Variants in PPP4R3B observed in about 807,000 individuals in gnomAD.
PPP4R3B encodes the protein protein phosphatase 4 regulatory subunit 3B, also known as serine/threonine-protein phosphatase 4 regulatory subunit 3B.
Under a neutral mutation model 95.4 loss-of-function variants are expected in PPP4R3B, and 52 were observed. The ratio of observed to expected loss-of-function variants is 0.54; its 90% CI spans 0.44 to 0.69. The LOEUF (loss-of-function observed/expected upper bound fraction) is 0.69, where lower values mean the gene tolerates loss of function less well. Ranked by LOEUF, PPP4R3B falls within the 30% of genes least tolerant of loss-of-function variation. The pLI, the probability that PPP4R3B is intolerant of heterozygous loss-of-function variation, is 0.00. For synonymous variants in PPP4R3B, 407 were observed against 343.9 expected (o/e 1.18, Z -2.03); for missense variants, 1,003 against 1,005.9 (o/e 1.00, Z 0.04).
intron 6 of PPP4R3B, among the ~76,000 whole-genome samples, chr2:55,586,237 TA>T (rs1372145965): frequency 6.6e-6 from 1 of 152,152 alleles, no homozygotes; most frequent in African/African-American, 2.4e-5. Context: ...TACCAATAGA[TA>T]AAACTCATAT....
intron 1 of PPP4R3B, 64 bp downstream of exon 1, chr2:55,617,080 C>G: frequency 2.0e-6 from 3 of 1,521,956 alleles, no homozygotes; most frequent in Non-Finnish European, 2.6e-6. Context: ...GCCCAGGGCC[C>G]TAAACCCAAG....
chr2:55,588,290 G>A (rs981065141), intron 5 of PPP4R3B, among the ~76,000 whole-genome samples: 56 of 152,238 alleles, frequency 3.7e-4, no homozygotes, highest in Admixed American at 1.2e-3. Context: ...AAGGCGGGGG[G>A]ATCACCTCAG....
chr2:55,612,427 A>C (rs1016565771), intron 2 of PPP4R3B, among the ~76,000 whole-genome samples: 6 of 152,354 alleles, frequency 3.9e-5, no homozygotes, highest in Admixed American at 6.5e-5. Context: ...AAATAACTAC[A>C]AATTAAGCTG....
At chr2:55,583,154 A>C (rs1689653334) in intron 7 of PPP4R3B, among the ~76,000 whole-genome samples, 1 of 152,198 alleles carries the variant, frequency 6.6e-6, no homozygotes, top group Admixed American at 6.5e-5. Flanking sequence ...CTGCCACTGA[A>C]TATAAAAATA....
rs1401860423 is a variant in PPP4R3B at position 55,615,350 on chromosome 2, C to T, written c.198+101G>A. 2.5e-5 allele frequency: 22 copies of T among 897,268 alleles called. No individual in the cohort carries two copies. In the Admixed American group the frequency reaches 4.9e-4, roughly 20 times the overall value. The allele number at this position is 897,268 out of a possible 1,614,324, so 55.6% of individuals were successfully genotyped here. A position where few individuals can be genotyped will look rare whatever the true frequency, so the allele number is the denominator to read the frequency against. On this transcript the variant is annotated intron_variant, in intron 2 of 16. Transcript: ENST00000616407. The stretch of plus-strand genomic sequence containing the variant: ...ATACACATGATCTTTGTTTACCAAA[C>T]ATGTTTTTTTCTTGTCAGGAAAGCT...
chr2:55,578,282 T>C lies in PPP4R3B; in HGVS notation c.1529A>G (p.His510Arg). Residue 510 changes from histidine (H) to arginine (R), a missense_variant, in exon 10 of 17, where the codon CAT becomes CGT. By Grantham distance (29) the His-to-Arg change is conservative. Coordinates refer to ENST00000616407, the MANE Select transcript of PPP4R3B (RefSeq NM_001122964.3). ...WSFICTPSHS[H>R]SHSTPSSSIS... ...GGAGGAAGAGGGGGTAGAATGGGAA[T>C]GGGAATGTGAAGGGGTACATATGAA... The C allele has an allele frequency of 6.7e-7, 1 of 1,483,270 alleles. No individual in the cohort carries two copies. The highest frequency in any genetic ancestry group is 9.0e-7 in the Non-Finnish European group (1 of 1,114,488). 91.9% of individuals were successfully genotyped at this position (1,483,270 alleles called of 1,614,324 possible). A position where few individuals can be genotyped will look rare whatever the true frequency, so the allele number is the denominator to read the frequency against.
chr2:55,577,276 T>C, intron 11 of PPP4R3B, 39 bp downstream of exon 11: 1 of 1,527,302 alleles, frequency 6.5e-7, no homozygotes, highest in Non-Finnish European at 8.7e-7. Flanking sequence ...AAAAAGTTTA[T>C]AATTTGCATG....
chr2:55,616,340 G>C (rs527395260), intron 1 of PPP4R3B, among the ~76,000 whole-genome samples: 19 of 152,010 alleles, frequency 1.2e-4, no homozygotes, highest in Non-Finnish European at 2.2e-4. Flanking sequence ...AAGGGAACAA[G>C]CAAGAATACA....
chr2:55,558,970 TA>T lies in PPP4R3B; in HGVS notation c.2261-3del. The T allele has an allele frequency of 6.2e-7, 1 of 1,601,772 alleles. No individual in the cohort carries two copies. The highest frequency in any genetic ancestry group is 8.5e-7 in the Non-Finnish European group (1 of 1,175,558). On this transcript the variant is annotated splice_region_variant and splice_polypyrimidine_tract_variant and intron_variant, in intron 15 of 16. Coordinates refer to ENST00000616407, the MANE Select transcript of PPP4R3B (RefSeq NM_001122964.3). ...TTTCCTTGTCTTCACTTTCTTTTGCTAAAGCAAAAGTAAAATTTTGAACGTA... is the reference window on the plus strand; with the variant it reads ...TTTCCTTGTCTTCACTTTCTTTTGCTAAGCAAAAGTAAAATTTTGAACGTA...
chr2:55,588,529 A>T (rs1041151212), intron 5 of PPP4R3B, among the ~76,000 whole-genome samples: 1 of 151,484 alleles, frequency 6.6e-6, no homozygotes, highest in South Asian at 2.1e-4. Context: ...AAAAAAAAAA[A>T]AAGAAAAAGA....
At position 55,579,324 on chromosome 2, in the gene PPP4R3B, C is replaced by T. The variant is rs529675464; in HGVS notation, c.1468+355G>A. Among the ~76,000 whole-genome samples the T allele has an allele frequency of 1.1e-3, 173 of 152,134 alleles. 2 individuals carry two copies. In the Middle Eastern group the frequency reaches 0.024, roughly 21 times the overall value. On this transcript the variant is annotated intron_variant, in intron 9 of 16. Coordinates refer to ENST00000616407, the MANE Select transcript of PPP4R3B (RefSeq NM_001122964.3). Reference sequence around the variant, plus strand: ...ATTTGCTTCTACTCATTCTAGATATCGCACAAATTTGGCGACAATGCTTTC... The same window carrying T: ...ATTTGCTTCTACTCATTCTAGATATTGCACAAATTTGGCGACAATGCTTTC...
rs1232047132 is a variant in PPP4R3B at position 55,615,936 on chromosome 2, G to C, written c.143-430C>G. On this transcript the variant is annotated intron_variant, in intron 1 of 16. Coordinates refer to ENST00000616407, the MANE Select transcript of PPP4R3B (RefSeq NM_001122964.3). Reference sequence around the variant, plus strand: ...CGCAAACTTTTCAAGTCTTTTTACCGAGTTGGACATCTTAATAAAATGTAT... The same window carrying C: ...CGCAAACTTTTCAAGTCTTTTTACCCAGTTGGACATCTTAATAAAATGTAT... 2.5e-5 allele frequency among the ~76,000 whole-genome samples: 3 copies of C among 118,962 alleles called. No homozygotes were observed. In the East Asian group the frequency reaches 7.2e-4, roughly 29 times the overall value. 78.0% of individuals were successfully genotyped at this position (118,962 alleles called of 152,430 possible).
chr2:55,584,996 C>T, intron 7 of PPP4R3B, 55 bp downstream of exon 7: 3 of 1,232,878 alleles, frequency 2.4e-6, no homozygotes, highest in Non-Finnish European at 3.4e-6. Context: ...CAATAGTTTG[C>T]AAACACTACT....
Position 55,566,330 on chromosome 2 carries a change from T to C in PPP4R3B, c.1936-1289A>G, listed in dbSNP as rs753432859. On this transcript the variant is annotated intron_variant, in intron 13 of 16. Coordinates refer to ENST00000616407, the MANE Select transcript of PPP4R3B (RefSeq NM_001122964.3). ...AGTTTTGGGGCACAAGGTACACAAA[T>C]CGACCACTCGAACTTATTTTCACAA... 4.7e-4 allele frequency among the ~76,000 whole-genome samples: 71 copies of C among 152,168 alleles called. 4 individuals are homozygous for C. Among genetic ancestry groups the C allele is most frequent in the Non-Finnish European group, 2.1e-4 (14 of 68,026 alleles).
At chr2:55,576,881 G>A (rs1052719328) in intron 11 of PPP4R3B, among the ~76,000 whole-genome samples, 11 of 152,190 alleles carry the variant, frequency 7.2e-5, no homozygotes, top group Non-Finnish European at 1.5e-5. Context: ...GGTATGGGAC[G>A]GTAGGTGCAC....
At chr2:55,581,813 A>C in intron 7 of PPP4R3B, 115 bp from the exon 8 acceptor site, 2 of 1,095,202 alleles carry the variant, frequency 1.8e-6, no homozygotes, top group African/African-American at 1.6e-5. Flanking sequence ...AAAACGAAGA[A>C]TGGAATAGCT....
chr2:55,549,953 T>C lies in PPP4R3B; in HGVS notation c.2508A>G (p.Glu836=). The change falls in exon 17 of 17, where the codon GAA becomes GAG. Residue 836 remains glutamate (E), a synonymous_variant. Coordinates refer to ENST00000616407, the MANE Select transcript of PPP4R3B (RefSeq NM_001122964.3). ...DYPDDEEEDE[E]EESSPRKRPR... Reference sequence around the variant, plus strand: ...GTCTTTTCCTGGGGGACGATTCTTCTTCTTCATCTTCCTCTTCATCATCTG... The same window carrying C: ...GTCTTTTCCTGGGGGACGATTCTTCCTCTTCATCTTCCTCTTCATCATCTG... 1 of 1,613,616 alleles carries C rather than the reference T, an allele frequency of 6.2e-7. No individual in the cohort carries two copies. Among genetic ancestry groups the C allele is most frequent in the Non-Finnish European group, 8.5e-7 (1 of 1,179,848 alleles).
intron 7 of PPP4R3B, among the ~76,000 whole-genome samples, chr2:55,584,655 G>A (rs1689896685): frequency 6.6e-6 from 1 of 152,052 alleles, no homozygotes; most frequent in Non-Finnish European, 1.5e-5. Context: ...ATCTCACCCA[G>A]TCATTATTAA....
At chr2:55,562,098 A>G (rs984872332) in intron 15 of PPP4R3B, among the ~76,000 whole-genome samples, 68 of 152,206 alleles carry the variant, frequency 4.5e-4, no homozygotes, top group African/African-American at 1.5e-3. Context: ...TGTGATAGTG[A>G]GTTCTCACGA....
Sources: gnomAD v4.1 joint callset for allele counts (sites outside exome capture counted in the v4.1 genomes callset) on GRCh38, gnomAD v4.1.1 for gene constraint, MANE v1.5 for transcripts, NCBI Gene and HGNC (gene_info 2026-07-23, HGNC 2026-07-21) for gene names.